KCNQ1OT1: variants seen among roughly 807,000 people sequenced by gnomAD.
KCNQ1OT1 encodes KCNQ1 antisense RNA 2 (non-protein coding).
At position 2,627,683 on chromosome 11, in the gene KCNQ1OT1, T is replaced by C; in HGVS notation, n.72312A>G. On this transcript the variant is annotated non_coding_transcript_exon_variant, in exon 1 of 1. Transcript: ENST00000597346. The surrounding 1 kb of genome is among the most constrained non-coding windows in gnomAD (Gnocchi z 4.9). ...TTGTGTGTGTGTATATATGTGTGTGTGTGTGTCTGTATGTATATGTATGTG... is the reference window on the plus strand; with the variant it reads ...TTGTGTGTGTGTATATATGTGTGTGCGTGTGTCTGTATGTATATGTATGTG... The C allele has an allele frequency of 2.5e-6, 1 of 398,638 alleles. No homozygotes were observed. The highest frequency in any genetic ancestry group is 2.1e-5 in the African/African-American group (1 of 48,760). The allele number at this position is 398,638 out of a possible 1,614,324, so 24.7% of individuals were successfully genotyped here.
exon 1 of KCNQ1OT1, chr11:2,633,089 C>T: frequency 1.0e-5 from 4 of 398,396 alleles, no homozygotes; most frequent in Non-Finnish European, 1.8e-5. Context: ...TATGTTTTGT[C>T]TTTTTGAAAA....
exon 1 of KCNQ1OT1, chr11:2,616,568 A>C: frequency 2.5e-6 from 1 of 398,016 alleles, no homozygotes; most frequent in East Asian, 3.6e-5. Context: ...ACATCCCATA[A>C]GTCTGAGTAT....
chr11:2,654,870 A>G lies in KCNQ1OT1; in HGVS notation n.45125T>C. The G allele has an allele frequency of 2.5e-6, 1 of 398,612 alleles. No homozygotes were observed. Among genetic ancestry groups the G allele is most frequent in the Non-Finnish European group, 4.4e-6 (1 of 226,082 alleles). 24.7% of individuals were successfully genotyped at this position (398,612 alleles called of 1,614,324 possible). On this transcript the variant is annotated non_coding_transcript_exon_variant, in exon 1 of 1. Coordinates refer to ENST00000597346, the Ensembl canonical transcript of KCNQ1OT1. This position sits in a 1 kb window ranked among gnomAD's most constrained non-coding sequence, Gnocchi z 6.4. The stretch of plus-strand genomic sequence containing the variant: ...GCAGCTCCAGGCCAGGTGGAGGGAC[A>G]TATTCTGGCAACTCTAGGATAAGAT...
chr11:2,675,626 T>TATTAGACC, exon 1 of KCNQ1OT1: 1 of 398,628 alleles, frequency 2.5e-6, no homozygotes. Flanking sequence ...AGAGCACCCC[T>TATTAGACC]TATTAGAGGG....
rs1410052421 is a variant in KCNQ1OT1 at position 2,657,623 on chromosome 11, A to T, written n.42372T>A. 3 of 398,624 alleles carry T rather than the reference A, an allele frequency of 7.5e-6. No homozygotes were observed. Among genetic ancestry groups the T allele is most frequent in the Admixed American group, 4.4e-5 (1 of 22,736 alleles). 24.7% of individuals were successfully genotyped at this position (398,624 alleles called of 1,614,324 possible). A position where few individuals can be genotyped will look rare whatever the true frequency, so the allele number is the denominator to read the frequency against. On this transcript the variant is annotated non_coding_transcript_exon_variant, in exon 1 of 1. Coordinates refer to ENST00000597346, the Ensembl canonical transcript of KCNQ1OT1. This position sits in a 1 kb window ranked among gnomAD's most constrained non-coding sequence, Gnocchi z 4.8. ...ACTAAAAAATTAACATTGGTACACT[A>T]TTAAGCTAGAGTTATAAATTTATTT...
chr11:2,629,774 G>A, exon 1 of KCNQ1OT1: 1 of 398,362 alleles, frequency 2.5e-6, no homozygotes. Flanking sequence ...TGCTGATTTT[G>A]TATCCTGCCA....
At position 2,627,674 on chromosome 11, in the gene KCNQ1OT1, ATG is replaced by A. The variant is rs562981831; in HGVS notation, n.72319_72320del. ...AATATTTCATTGTGTGTGTGTATAT[ATG>A]TGTGTGTGTGTGTCTGTATGTATAT... On this transcript the variant is annotated non_coding_transcript_exon_variant, in exon 1 of 1. Transcript: ENST00000597346. This position sits in a 1 kb window ranked among gnomAD's most constrained non-coding sequence, Gnocchi z 4.9. The A allele has an allele frequency of 5.0e-4, 197 of 397,290 alleles. No individual in the cohort carries two copies. Among genetic ancestry groups the A allele is most frequent in the Non-Finnish European group, 7.9e-4 (178 of 225,338 alleles). The allele number at this position is 397,290 out of a possible 1,614,324, so 24.6% of individuals were successfully genotyped here.
In KCNQ1OT1 at chr11:2,640,293, C is replaced by T. The variant is rs550380027; in HGVS notation, n.59702G>A. On this transcript the variant is annotated non_coding_transcript_exon_variant, in exon 1 of 1. Transcript: ENST00000597346. ...AAATGCAGAAATCACCCATCTTCTG[C>T]GTCACTCACGCTGGGAGCTATAGAC... 34 of 398,098 alleles carry T rather than the reference C, an allele frequency of 8.5e-5. 2 individuals carry two copies. The South Asian group carries it at 2.4e-3, about 28-fold the overall frequency. 24.7% of individuals were successfully genotyped at this position (398,098 alleles called of 1,614,324 possible).
rs1849914417 is a variant in KCNQ1OT1 at position 2,659,601 on chromosome 11, A to C, written n.40394T>G. On this transcript the variant is annotated non_coding_transcript_exon_variant, in exon 1 of 1. Coordinates refer to ENST00000597346, the Ensembl canonical transcript of KCNQ1OT1. The surrounding 1 kb of genome is among the most constrained non-coding windows in gnomAD (Gnocchi z 4.3). ...AGGTTTTTGCGAACATAAAAATTCA[A>C]TTCACTTGGGTGGGAAAGGAACCGA... is the stretch of plus-strand genomic sequence containing the variant. 2.5e-6 allele frequency: 1 copy of C among 398,448 alleles called. No homozygotes were observed. Among genetic ancestry groups the C allele is most frequent in the African/African-American group, 2.1e-5 (1 of 48,642 alleles). 24.7% of individuals were successfully genotyped at this position (398,448 alleles called of 1,614,324 possible). A position where few individuals can be genotyped will look rare whatever the true frequency, so the allele number is the denominator to read the frequency against.
rs1281856937 is a variant in KCNQ1OT1, at chr11:2,664,379, C to A, written n.35616G>T. 2.5e-6 allele frequency: 1 copy of A among 398,760 alleles called. No individual in the cohort carries two copies. Among genetic ancestry groups the A allele is most frequent in the South Asian group, 1.3e-4 (1 of 7,866 alleles). The allele number at this position is 398,760 out of a possible 1,614,324, so 24.7% of individuals were successfully genotyped here. A position where few individuals can be genotyped will look rare whatever the true frequency, so the allele number is the denominator to read the frequency against. ...CATCCTCAGAAGTCAGGGTACGGTC[C>A]CTCCAGAGAGGCCTGAAGGGGAGAG... On this transcript the variant is annotated non_coding_transcript_exon_variant, in exon 1 of 1. Coordinates refer to ENST00000597346, the Ensembl canonical transcript of KCNQ1OT1. This position sits in a 1 kb window ranked among gnomAD's most constrained non-coding sequence, Gnocchi z 5.1.
exon 1 of KCNQ1OT1, chr11:2,694,957 G>A: frequency 2.5e-6 from 1 of 398,690 alleles, no homozygotes; most frequent in Middle Eastern, 6.3e-4. Flanking sequence ...AGGGATACTT[G>A]GCAGATTTAA....
rs1316497071 is a variant in KCNQ1OT1 at position 2,687,847 on chromosome 11, C to T, written n.12148G>A. On this transcript the variant is annotated non_coding_transcript_exon_variant, in exon 1 of 1. Transcript: ENST00000597346. This position sits in a 1 kb window ranked among gnomAD's most constrained non-coding sequence, Gnocchi z 5.0. Reference sequence around the variant, plus strand: ...ACTGGCTCCAGGCCAAACTCTGGTTCCTGAGGAGCCTCAAAGGCTGGACTT... The same window carrying T: ...ACTGGCTCCAGGCCAAACTCTGGTTTCTGAGGAGCCTCAAAGGCTGGACTT... The T allele has an allele frequency of 1.3e-5, 5 of 398,626 alleles. No homozygotes were observed. Among genetic ancestry groups the T allele is most frequent in the Non-Finnish European group, 2.2e-5 (5 of 226,162 alleles). The allele number at this position is 398,626 out of a possible 1,614,324, so 24.7% of individuals were successfully genotyped here. A position where few individuals can be genotyped will look rare whatever the true frequency, so the allele number is the denominator to read the frequency against.
rs977415583 is a variant in KCNQ1OT1, at chr11:2,671,552, T to C, written n.28443A>G. The C allele has an allele frequency of 1.3e-5, 5 of 398,640 alleles. No individual in the cohort carries two copies. Among genetic ancestry groups the C allele is most frequent in the African/African-American group, 8.2e-5 (4 of 48,764 alleles). 24.7% of individuals were successfully genotyped at this position (398,640 alleles called of 1,614,324 possible). A position where few individuals can be genotyped will look rare whatever the true frequency, so the allele number is the denominator to read the frequency against. ...GTTAATTTTGACTCTGCCTGACTTA[T>C]CTCCTAAGTCTTTGGCACTGAGCAT... On this transcript the variant is annotated non_coding_transcript_exon_variant, in exon 1 of 1. Coordinates refer to ENST00000597346, the Ensembl canonical transcript of KCNQ1OT1. The surrounding 1 kb of genome is among the most constrained non-coding windows in gnomAD (Gnocchi z 4.7).
chr11:2,649,009 C>G, exon 1 of KCNQ1OT1: 1 of 260,798 alleles, frequency 3.8e-6, no homozygotes, highest in Non-Finnish European at 6.2e-6. Flanking sequence ...TTTTTTGACT[C>G]AGTATTTTTT....
Position 2,651,645 on chromosome 11 carries a change from C to G in KCNQ1OT1, n.48350G>C. 2.5e-6 allele frequency: 1 copy of G among 398,726 alleles called. No homozygotes were observed. Among genetic ancestry groups the G allele is most frequent in the Non-Finnish European group, 4.4e-6 (1 of 226,112 alleles). 24.7% of individuals were successfully genotyped at this position (398,726 alleles called of 1,614,324 possible). A position where few individuals can be genotyped will look rare whatever the true frequency, so the allele number is the denominator to read the frequency against. ...TGCCTGCCCCACCTGGGGTCTCTGT[C>G]TCTCCCACAGCTCACTGACATTAGC... On this transcript the variant is annotated non_coding_transcript_exon_variant, in exon 1 of 1. Coordinates refer to ENST00000597346, the Ensembl canonical transcript of KCNQ1OT1. This position sits in a 1 kb window ranked among gnomAD's most constrained non-coding sequence, Gnocchi z 6.1.
At chr11:2,609,173 C>T (rs989453343) in exon 1 of KCNQ1OT1, 5 of 398,030 alleles carry the variant, frequency 1.3e-5, no homozygotes, top group Non-Finnish European at 2.2e-5. Context: ...CTATAAAATT[C>T]CATCTTTACA....
chr11:2,687,604 C>T lies in KCNQ1OT1; in HGVS notation n.12391G>A, dbSNP rs1321286017. 12 of 398,612 alleles carry T rather than the reference C, an allele frequency of 3.0e-5. No individual in the cohort carries two copies. Among genetic ancestry groups the T allele is most frequent in the Non-Finnish European group, 4.9e-5 (11 of 226,158 alleles). The allele number at this position is 398,612 out of a possible 1,614,324, so 24.7% of individuals were successfully genotyped here. A position where few individuals can be genotyped will look rare whatever the true frequency, so the allele number is the denominator to read the frequency against. On this transcript the variant is annotated non_coding_transcript_exon_variant, in exon 1 of 1. Coordinates refer to ENST00000597346, the Ensembl canonical transcript of KCNQ1OT1. The surrounding 1 kb of genome is among the most constrained non-coding windows in gnomAD (Gnocchi z 5.0). ...GAGGTGTGACTGAGAAAGGAAGGGG[C>T]AGAGATCCCTTCTCCATTCCTCTCA... is the stretch of plus-strand genomic sequence containing the variant.
chr11:2,623,353 T>C lies in KCNQ1OT1; in HGVS notation n.76642A>G, dbSNP rs972973374. ...GCATGTATCTACCATTATAGTATCA[T>C]ACAGATACGTATATTTACATATATT... On this transcript the variant is annotated non_coding_transcript_exon_variant, in exon 1 of 1. Transcript: ENST00000597346. This position sits in a 1 kb window ranked among gnomAD's most constrained non-coding sequence, Gnocchi z 5.2. The C allele has an allele frequency of 1.5e-5, 6 of 398,666 alleles. No homozygotes were observed. Among genetic ancestry groups the C allele is most frequent in the Non-Finnish European group, 2.7e-5 (6 of 226,066 alleles). The allele number at this position is 398,666 out of a possible 1,614,324, so 24.7% of individuals were successfully genotyped here. A position where few individuals can be genotyped will look rare whatever the true frequency, so the allele number is the denominator to read the frequency against.
In KCNQ1OT1 at chr11:2,691,404, T is replaced by TGG. The variant is rs1321029592; in HGVS notation, n.8590_8591insCC. On this transcript the variant is annotated non_coding_transcript_exon_variant, in exon 1 of 1. Coordinates refer to ENST00000597346, the Ensembl canonical transcript of KCNQ1OT1. The surrounding 1 kb of genome is among the most constrained non-coding windows in gnomAD (Gnocchi z 6.4). ...GGTCTGGGCATAGAAGCCCAGGAACTGCTGTCTGTGGGGAGTCCACTGAAG... is the reference window on the plus strand; with the variant it reads ...GGTCTGGGCATAGAAGCCCAGGAACTGGGCTGTCTGTGGGGAGTCCACTGAAG... 7.5e-6 allele frequency: 3 copies of TGG among 398,542 alleles called. No individual in the cohort carries two copies. The highest frequency in any genetic ancestry group is 1.3e-5 in the Non-Finnish European group (3 of 226,084). The allele number at this position is 398,542 out of a possible 1,614,324, so 24.7% of individuals were successfully genotyped here. A position where few individuals can be genotyped will look rare whatever the true frequency, so the allele number is the denominator to read the frequency against.
Sources: gnomAD v4.1 joint callset for allele counts on GRCh38, gnomAD v4.1.1 for gene constraint, Gnocchi (gnomAD v3.1) non-coding constraint, MANE v1.5 for transcripts, NCBI Gene and HGNC (gene_info 2026-07-23, HGNC 2026-07-21) for gene names.